Variants in LRRTM3 observed in about 807,000 individuals in gnomAD.
The protein encoded by LRRTM3 is leucine-rich repeat transmembrane neuronal protein 3.
A neutral mutation model predicts 44.7 loss-of-function variants in LRRTM3; 24 were observed. The ratio of observed to expected loss-of-function variants is 0.54; its 90% CI spans 0.39 to 0.76. The LOEUF (loss-of-function observed/expected upper bound fraction) is 0.76. LRRTM3 is among the 30% of genes least tolerant of loss of function. The pLI, the probability that LRRTM3 is intolerant of heterozygous loss-of-function variation, is 0.00. For missense variants in LRRTM3, 587 were observed against 702.2 expected, an observed-to-expected ratio of 0.84 and a Z score of 1.85; for synonymous variants, 277 against 278.7, an observed-to-expected ratio of 0.99 and a Z score of 0.06.
intron 2 of LRRTM3, among the ~76,000 whole-genome samples, chr10:66,950,245 ATAT>A (rs1375049277): frequency 6.6e-6 from 1 of 152,082 alleles, no homozygotes; most frequent in Non-Finnish European, 1.5e-5. Context: ...CTCTAATTGT[ATAT>A]TATTATTATT....
rs1326179826 is a variant in LRRTM3 at position 67,080,423 on chromosome 10, A to C, written c.1537-17164A>C. Among the ~76,000 whole-genome samples the C allele has an allele frequency of 2.6e-5, 4 of 152,208 alleles. No homozygotes were observed. In the East Asian group the frequency reaches 7.7e-4, roughly 29 times the overall value. On this transcript the variant is annotated intron_variant, in intron 2 of 2. Coordinates refer to ENST00000361320, the MANE Select transcript of LRRTM3 (RefSeq NM_178011.5). ...TTAAATAAACTGATGTTAATGAAAAAACTGAATTCTGCATATAATTCCCAC... is the reference window on the plus strand; with the variant it reads ...TTAAATAAACTGATGTTAATGAAAACACTGAATTCTGCATATAATTCCCAC...
chr10:66,939,066 C>T (rs559730047), intron 2 of LRRTM3, among the ~76,000 whole-genome samples: 2 of 152,286 alleles, frequency 1.3e-5, no homozygotes, highest in Admixed American at 6.5e-5. Context: ...GAACACCCTA[C>T]GCTATGACAG....
intron 2 of LRRTM3, 136 bp downstream of exon 2, chr10:66,928,588 T>A: frequency 1.3e-6 from 1 of 776,440 alleles, no homozygotes; most frequent in East Asian, 2.7e-5. Context: ...GGCAAGATCC[T>A]TCCTTGTCCG....
intron 2 of LRRTM3, among the ~76,000 whole-genome samples, chr10:66,998,492 T>C (rs1296338616): frequency 6.6e-6 from 1 of 152,100 alleles, no homozygotes; most frequent in Non-Finnish European, 1.5e-5. Context: ...ATTTTTATGC[T>C]TTTTGCAAGA....
At chr10:66,999,256 C>T (rs1321620212) in intron 2 of LRRTM3, among the ~76,000 whole-genome samples, 1 of 152,016 alleles carries the variant, frequency 6.6e-6, no homozygotes, top group Non-Finnish European at 1.5e-5. Context: ...GTTAAAAGAC[C>T]TGTGACTGAA....
chr10:67,065,544 T>C (rs1236021555), intron 2 of LRRTM3, among the ~76,000 whole-genome samples: 1 of 152,046 alleles, frequency 6.6e-6, no homozygotes, highest in East Asian at 1.9e-4. Flanking sequence ...ACAGGAAGTA[T>C]AAGCTTCCCA....
intron 2 of LRRTM3, among the ~76,000 whole-genome samples, chr10:66,959,340 G>T (rs1348223426): frequency 2.0e-5 from 3 of 152,128 alleles, no homozygotes; most frequent in African/African-American, 4.8e-5. Flanking sequence ...ACCAAGACAG[G>T]ATTTCTATTT....
chr10:67,025,859 A>G (rs902292301), intron 2 of LRRTM3, among the ~76,000 whole-genome samples: 2 of 151,296 alleles, frequency 1.3e-5, no homozygotes, highest in Non-Finnish European at 2.9e-5. Context: ...GAACCAACCC[A>G]AATGTCCAAC....
rs1315163933 is a variant in LRRTM3, at chr10:67,053,502, A to G, written c.1537-44085A>G. ...TGCCCATCAGTCAGTATCTATATGC[A>G]TATCATTTGAAGAAGCTTGAAATAG... On this transcript the variant is annotated intron_variant, in intron 2 of 2. Transcript: ENST00000361320. Among the ~76,000 whole-genome samples the G allele has an allele frequency of 3.9e-5, 6 of 152,284 alleles. No homozygotes were observed. In the East Asian group the frequency reaches 1.2e-3, roughly 29 times the overall value.
intron 2 of LRRTM3, among the ~76,000 whole-genome samples, chr10:67,000,595 A>G (rs767115238): frequency 6.6e-6 from 1 of 151,726 alleles, no homozygotes; most frequent in Non-Finnish European, 1.5e-5. Context: ...GAAACCATGA[A>G]CTTATATAAT....
chr10:66,989,216 G>C (rs1261008934), intron 2 of LRRTM3, among the ~76,000 whole-genome samples: 1 of 152,050 alleles, frequency 6.6e-6, no homozygotes, highest in South Asian at 2.1e-4. Flanking sequence ...CCAATTGACT[G>C]TAGCAGAGGG....
At chr10:66,998,312 G>C (rs146467858) in intron 2 of LRRTM3, among the ~76,000 whole-genome samples, 1 of 152,164 alleles carries the variant, frequency 6.6e-6, no homozygotes, top group East Asian at 1.9e-4. Context: ...CTAGTTGCAG[G>C]AATAAAATTC....
At chr10:66,993,032 C>T (rs1325213562) in intron 2 of LRRTM3, among the ~76,000 whole-genome samples, 4 of 152,068 alleles carry the variant, frequency 2.6e-5, no homozygotes, top group Non-Finnish European at 5.9e-5. Flanking sequence ...TCATTATTTT[C>T]CATGATTTTG....
chr10:67,057,846 T>C (rs1270543938), intron 2 of LRRTM3, among the ~76,000 whole-genome samples: 1 of 152,136 alleles, frequency 6.6e-6, no homozygotes, highest in Non-Finnish European at 1.5e-5. Context: ...CCACCAAAGA[T>C]TGAAGCCAAA....
intron 2 of LRRTM3, among the ~76,000 whole-genome samples, chr10:66,942,570 CTCTCTCTG>C (rs1458166445): frequency 1.3e-5 from 2 of 151,300 alleles, no homozygotes; most frequent in African/African-American, 4.9e-5. Context: ...CTCTCTCTCT[CTCTCTCTG>C]TGTGTGTGTA....
At chr10:67,097,069 A>G (rs925583468) in intron 2 of LRRTM3, among the ~76,000 whole-genome samples, 1 of 151,932 alleles carries the variant, frequency 6.6e-6, no homozygotes, top group Non-Finnish European at 1.5e-5. Flanking sequence ...CTTGTAAGAC[A>G]TGTGGATTCC....
At chr10:67,062,176 T>C (rs1855795226) in intron 2 of LRRTM3, among the ~76,000 whole-genome samples, 1 of 139,290 alleles carries the variant, frequency 7.2e-6, no homozygotes, top group African/African-American at 2.8e-5. Context: ...CCCCATTTTA[T>C]AGATAAGAAC....
intron 2 of LRRTM3, among the ~76,000 whole-genome samples, chr10:67,056,040 T>C (rs1855407340): frequency 6.6e-6 from 1 of 152,094 alleles, no homozygotes; most frequent in African/African-American, 2.4e-5. Flanking sequence ...TATTATATTG[T>C]TGAGGTGGAG....
chr10:66,949,902 G>A (rs954767130), intron 2 of LRRTM3, among the ~76,000 whole-genome samples: 1 of 152,164 alleles, frequency 6.6e-6, no homozygotes, highest in Non-Finnish European at 1.5e-5. Flanking sequence ...TTTCTGAGTG[G>A]TTCAGAATCA....
Sources: gnomAD v4.1 joint callset for allele counts (sites outside exome capture counted in the v4.1 genomes callset) on GRCh38, gnomAD v4.1.1 for gene constraint, MANE v1.5 for transcripts, NCBI Gene and HGNC (gene_info 2026-07-23, HGNC 2026-07-21) for gene names.